Variants in ATL2 observed in about 807,000 individuals in gnomAD.
ATL2 encodes the protein atlastin GTPase 2, also known as atlastin-2.
A neutral mutation model predicts 73.9 loss-of-function variants in ATL2; 31 were observed. The observed-to-expected ratio is 0.42, with a 90% confidence interval of 0.32 to 0.57. ATL2 has a LOEUF of 0.57. ATL2 is among the 20% of genes least tolerant of loss of function. The probability of loss-of-function intolerance (pLI) is 0.14; values close to 1 mark genes in which losing one functional copy is unlikely to be tolerated. For missense variants in ATL2, 738 were observed against 702.6 expected (o/e 1.05, Z -0.57); for synonymous variants, 291 against 237.5 (o/e 1.23, Z -2.07).
rs1052637758 is a variant in ATL2, at chr2:38,298,298, C to A, written c.1478G>T (p.Gly493Val). The change falls in exon 12 of 13, where the codon GGC becomes GTC. Residue 493 changes from glycine to valine, a missense_variant. By Grantham distance (109) the Gly-to-Val change is moderately radical. Coordinates refer to ENST00000378954, the MANE Select transcript of ATL2 (RefSeq NM_001135673.4). ...AGCTATAGAGTTTAGGCCAATGAAG[C>A]CAGTCAGTCCTGAGATTATATACAT... The part of the protein sequence containing the change: ...FAMYIISGLT[G>V]FIGLNSIAVL... 1.2e-6 allele frequency: 2 copies of A among 1,614,100 alleles called. No homozygotes were observed. The highest frequency in any genetic ancestry group is 1.7e-6 in the Non-Finnish European group (2 of 1,179,992).
At chr2:38,332,165 G>A (rs766851807) in intron 2 of ATL2, among the ~76,000 whole-genome samples, 1 of 152,110 alleles carries the variant, frequency 6.6e-6, no homozygotes, top group Non-Finnish European at 1.5e-5. Context: ...GGATCTGGGG[G>A]TAACAGCCAA....
intron 1 of ATL2, among the ~76,000 whole-genome samples, chr2:38,356,822 T>C (rs80108370): frequency 0.048 from 6,470 of 133,804 alleles, 418 homozygotes; most frequent in African/African-American, 0.23. Flanking sequence ...ACCATTTCTA[T>C]ACATGTTTCC....
intron 6 of ATL2, among the ~76,000 whole-genome samples, chr2:38,313,635 T>C (rs912172307): frequency 2.6e-5 from 4 of 152,158 alleles, no homozygotes; most frequent in African/African-American, 7.2e-5. Context: ...AATAAGGACA[T>C]TTTCACTCAC....
chr2:38,331,209 C>A (rs540938191), intron 2 of ATL2, among the ~76,000 whole-genome samples: 6 of 151,744 alleles, frequency 4.0e-5, no homozygotes, highest in African/African-American at 1.5e-4. Flanking sequence ...CCGAGGTGGG[C>A]GGATCACGAG....
At chr2:38,347,321 C>T (rs1269017965) in intron 1 of ATL2, among the ~76,000 whole-genome samples, 1 of 152,138 alleles carries the variant, frequency 6.6e-6, no homozygotes, top group South Asian at 2.1e-4. Flanking sequence ...TTGCTGTTCC[C>T]TGATGAAGCT....
At chr2:38,364,838 A>G (rs1671216393) in intron 1 of ATL2, among the ~76,000 whole-genome samples, 1 of 152,010 alleles carries the variant, frequency 6.6e-6, no homozygotes, top group Non-Finnish European at 1.5e-5. Flanking sequence ...AGGTCAGGAG[A>G]TTGAGACCAT....
At chr2:38,318,105 C>CGA (rs1260999635) in intron 4 of ATL2, among the ~76,000 whole-genome samples, 6 of 152,130 alleles carry the variant, frequency 3.9e-5, no homozygotes, top group Admixed American at 3.9e-4. Flanking sequence ...TGCATGATCA[C>CGA]ACCCATGAAT....
intron 2 of ATL2, among the ~76,000 whole-genome samples, chr2:38,338,001 G>A (rs1009207867): frequency 6.6e-6 from 1 of 152,106 alleles, no homozygotes; most frequent in African/African-American, 2.4e-5. Context: ...TTTGACCATT[G>A]TAAACTGATT....
At chr2:38,298,722 A>C in intron 11 of ATL2, 147 bp from the exon 12 acceptor site, 1 of 817,378 alleles carries the variant, frequency 1.2e-6, no homozygotes, top group South Asian at 1.8e-5. Flanking sequence ...ACAGGTTATC[A>C]TAATCTAGTT....
At chr2:38,368,661 A>C (rs1325288512) in intron 1 of ATL2, among the ~76,000 whole-genome samples, 2 of 152,386 alleles carry the variant, frequency 1.3e-5, no homozygotes, top group African/African-American at 2.4e-5. Context: ...AGAAACCAAC[A>C]CACACAATTC....
chr2:38,362,783 G>T (rs1171825398), intron 1 of ATL2, among the ~76,000 whole-genome samples: 1 of 152,218 alleles, frequency 6.6e-6, no homozygotes, highest in African/African-American at 2.4e-5. Context: ...AAACATATGT[G>T]TGATGTCAGC....
At chr2:38,324,654 G>A (rs965235624) in intron 2 of ATL2, among the ~76,000 whole-genome samples, 1 of 152,194 alleles carries the variant, frequency 6.6e-6, no homozygotes, top group African/African-American at 2.4e-5. Context: ...CCCAAGTCAT[G>A]AGCCCAGAAA....
intron 2 of ATL2, among the ~76,000 whole-genome samples, chr2:38,323,362 T>G (rs1304131684): frequency 1.4e-5 from 2 of 140,572 alleles, no homozygotes; most frequent in African/African-American, 5.3e-5. Context: ...TTTTTTTTTT[T>G]TTTTTTTTTT....
chr2:38,331,637 C>T (rs1669002796), intron 2 of ATL2, among the ~76,000 whole-genome samples: 1 of 145,650 alleles, frequency 6.9e-6, no homozygotes, highest in East Asian at 2.0e-4. Context: ...AAAAATAGAA[C>T]ATGTATACAG....
chr2:38,304,587 A>C (rs941314521), intron 9 of ATL2, among the ~76,000 whole-genome samples: 1 of 152,200 alleles, frequency 6.6e-6, no homozygotes, highest in Admixed American at 6.5e-5. Flanking sequence ...ATTAACAACC[A>C]CAACTTTTCC....
intron 2 of ATL2, among the ~76,000 whole-genome samples, chr2:38,330,078 G>A (rs893038410): frequency 4.2e-4 from 64 of 151,704 alleles, no homozygotes; most frequent in South Asian, 1.0e-3. Flanking sequence ...GCAGTGAGCC[G>A]AGATTGTGCC....
chr2:38,337,106 G>A (rs920291884), intron 2 of ATL2, among the ~76,000 whole-genome samples: 11 of 151,792 alleles, frequency 7.2e-5, no homozygotes, highest in African/African-American at 2.7e-4. Context: ...GAGAGGGAGG[G>A]AGGGAAACCT....
At chr2:38,307,028 C>G (rs1667484281) in intron 9 of ATL2, among the ~76,000 whole-genome samples, 1 of 152,120 alleles carries the variant, frequency 6.6e-6, no homozygotes, top group Non-Finnish European at 1.5e-5. Context: ...GGATTAAAGA[C>G]TTAAACCTAA....
chr2:38,341,411 AGAAT>A (rs1438473687), intron 2 of ATL2, among the ~76,000 whole-genome samples: 1 of 152,162 alleles, frequency 6.6e-6, no homozygotes, highest in African/African-American at 2.4e-5. Flanking sequence ...CTGAGGTGGG[AGAAT>A]CACTTGAGGC....
Sources: gnomAD v4.1 joint callset for allele counts (sites outside exome capture counted in the v4.1 genomes callset) on GRCh38, gnomAD v4.1.1 for gene constraint, MANE v1.5 for transcripts, NCBI Gene and HGNC (gene_info 2026-07-23, HGNC 2026-07-21) for gene names.